Variants in KIAA1217 observed in about 807,000 individuals in gnomAD.
KIAA1217 encodes the protein sickle tail protein homolog.
KIAA1217 carries 88 observed loss-of-function variants against 163.9 expected under a neutral mutation model. The observed-to-expected ratio is 0.54, with a 90% CI of 0.45 to 0.64. The LOEUF (loss-of-function observed/expected upper bound fraction) is 0.64, where lower values mean the gene tolerates loss of function less well. KIAA1217 is among the 30% of genes least tolerant of loss of function. KIAA1217 has a pLI of 0.00. For synonymous variants in KIAA1217, 903 were observed against 923.1 expected, an observed-to-expected ratio of 0.98 and a Z score of 0.39; for missense variants, 2,372 against 2,475.0, an observed-to-expected ratio of 0.96 and a Z score of 0.88.
rs1242371703 is a variant in KIAA1217, at chr10:24,480,790, G to T, written c.1679+6730G>T. Among the ~76,000 whole-genome samples the T allele has an allele frequency of 2.0e-5, 3 of 152,194 alleles. No individual in the cohort carries two copies. In the East Asian group the frequency reaches 5.8e-4, roughly 29 times the overall value. On this transcript the variant is annotated intron_variant, in intron 6 of 20. Transcript: ENST00000376454. ...CAGAAAACACGTAAGGTGAGCAAGG[G>T]TGAGAGAATTAAACTAAATGTGAAC... is the stretch of plus-strand genomic sequence containing the variant.
At chr10:23,897,798 G>A (rs1280251921) in intron 1 of KIAA1217, among the ~76,000 whole-genome samples, 1 of 151,568 alleles carries the variant, frequency 6.6e-6, no homozygotes, top group Non-Finnish European at 1.5e-5. Flanking sequence ...TATAAAAAAG[G>A]TTTTATATAA....
At chr10:24,211,437 C>G (rs982421050) in intron 1 of KIAA1217, among the ~76,000 whole-genome samples, 1 of 132,240 alleles carries the variant, frequency 7.6e-6, no homozygotes, top group African/African-American at 2.8e-5. Context: ...GTGGTGTGAT[C>G]ATAGCTCACT....
chr10:24,325,647 C>G (rs373713919), intron 2 of KIAA1217, among the ~76,000 whole-genome samples: 2 of 152,124 alleles, frequency 1.3e-5, no homozygotes, highest in Admixed American at 6.5e-5. Context: ...CTATAATAAC[C>G]GATTTGTCTG....
chr10:24,521,645 C>A, intron 11 of KIAA1217, 137 bp from the exon 12 acceptor site: 1 of 1,011,026 alleles, frequency 9.9e-7, no homozygotes. Context: ...TGCTCTTAAC[C>A]CACTGCCACC....
upstream of KIAA1217, among the ~76,000 whole-genome samples, chr10:24,208,054 G>A (rs1032034060): frequency 1.3e-5 from 2 of 151,486 alleles, no homozygotes; most frequent in African/African-American, 4.9e-5. Context: ...CTTCCTCCTA[G>A]CTACTGTGTT....
chr10:24,340,856 T>A (rs1275973211), intron 2 of KIAA1217, among the ~76,000 whole-genome samples: 2 of 152,256 alleles, frequency 1.3e-5, no homozygotes, highest in Non-Finnish European at 2.9e-5. Context: ...TGGAAATTAT[T>A]TTCAAGTGAG....
intron 1 of KIAA1217, among the ~76,000 whole-genome samples, chr10:23,903,266 A>G (rs1842024066): frequency 6.6e-6 from 1 of 152,130 alleles, no homozygotes; most frequent in South Asian, 2.1e-4. Context: ...AATATTGGTG[A>G]TTCTATAATA....
intron 2 of KIAA1217, among the ~76,000 whole-genome samples, chr10:24,182,838 G>T (rs1053973882): frequency 6.6e-6 from 1 of 152,156 alleles, no homozygotes; most frequent in African/African-American, 2.4e-5. Flanking sequence ...GCAAGAATCA[G>T]TTGGTCTTTG....
intron 5 of KIAA1217, among the ~76,000 whole-genome samples, chr10:24,459,842 G>A (rs1215205545): frequency 1.3e-5 from 2 of 152,094 alleles, no homozygotes; most frequent in African/African-American, 4.8e-5. Context: ...GAGGTGGGAG[G>A]ATCACTTGAA....
intron 1 of KIAA1217, among the ~76,000 whole-genome samples, chr10:23,751,148 C>T (rs1402652522): frequency 6.6e-6 from 1 of 152,074 alleles, no homozygotes; most frequent in East Asian, 1.9e-4. Context: ...GTGCCTCAGC[C>T]TCCCGAGTAG....
intron 2 of KIAA1217, among the ~76,000 whole-genome samples, chr10:24,360,208 G>A (rs984875956): frequency 1.8e-4 from 27 of 151,696 alleles, no homozygotes; most frequent in African/African-American, 4.8e-4. Context: ...CACCATACCC[G>A]GCTAATTCTT....
chr10:24,259,851 ACTTC>A (rs1281912991), intron 2 of KIAA1217, among the ~76,000 whole-genome samples: 12 of 152,060 alleles, frequency 7.9e-5, no homozygotes, highest in Admixed American at 7.9e-4. Flanking sequence ...ACAAACCTCC[ACTTC>A]CTTCCTCCTC....
chr10:24,142,006 A>C (rs1433647131), intron 2 of KIAA1217, among the ~76,000 whole-genome samples: 1 of 152,166 alleles, frequency 6.6e-6, no homozygotes, highest in East Asian at 1.9e-4. Flanking sequence ...AGGTAAAGAC[A>C]CCAATATATC....
intron 2 of KIAA1217, among the ~76,000 whole-genome samples, chr10:24,118,005 G>A (rs1014231560): frequency 6.6e-6 from 1 of 151,980 alleles, no homozygotes; most frequent in African/African-American, 2.4e-5. Flanking sequence ...AGGGGAGGAG[G>A]GTGGGAGAAA....
chr10:23,810,525 A>ATATATAGTATATATAGTATAATC (rs2130981727), intron 1 of KIAA1217, among the ~76,000 whole-genome samples: 2 of 132,796 alleles, frequency 1.5e-5, no homozygotes, highest in African/African-American at 5.6e-5. Context: ...TAGATAATCT[A>ATATATAGTATATATAGTATAATC]TATATAGTAT....
At chr10:24,342,190 G>A (rs116781915) in intron 2 of KIAA1217, among the ~76,000 whole-genome samples, 51 of 152,332 alleles carry the variant, frequency 3.3e-4, no homozygotes, top group African/African-American at 1.2e-3. Flanking sequence ...AAATTCAGAT[G>A]TGTGAACAAG....
At chr10:23,857,916 T>A (rs1367748675) in intron 1 of KIAA1217, among the ~76,000 whole-genome samples, 1 of 151,742 alleles carries the variant, frequency 6.6e-6, no homozygotes, top group Non-Finnish European at 1.5e-5. Flanking sequence ...GCCATTTTAT[T>A]AAGTTATATG....
intron 6 of KIAA1217, among the ~76,000 whole-genome samples, chr10:24,491,000 C>T (rs1476373928): frequency 6.6e-6 from 1 of 152,212 alleles, no homozygotes; most frequent in East Asian, 1.9e-4. Flanking sequence ...GACCGTTCTG[C>T]AACTCTGTCA....
chr10:24,398,286 CTCTTCATCCCCATCA>C (rs1404065261), intron 3 of KIAA1217, among the ~76,000 whole-genome samples: 3 of 152,100 alleles, frequency 2.0e-5, no homozygotes, highest in Non-Finnish European at 4.4e-5. Flanking sequence ...CATCATTAAG[CTCTTCATCCCCATCA>C]TCTTCACATT....
Sources: gnomAD v4.1 joint callset for allele counts (sites outside exome capture counted in the v4.1 genomes callset) on GRCh38, gnomAD v4.1.1 for gene constraint, MANE v1.5 for transcripts, NCBI Gene and HGNC (gene_info 2026-07-23, HGNC 2026-07-21) for gene names.